CAMTA1: variants seen among roughly 807,000 people sequenced by gnomAD.
CAMTA1 encodes calmodulin-binding transcription activator 1.
Under a neutral mutation model 170.9 loss-of-function variants are expected in CAMTA1, and 27 were observed. The observed-to-expected ratio is 0.16, with a 90% confidence interval of 0.12 to 0.22. CAMTA1 has a LOEUF of 0.22. CAMTA1 is among the 10% of genes least tolerant of loss of function. The pLI is 1.00. For missense variants in CAMTA1, 1,619 were observed against 2,217.2 expected (o/e 0.73, Z 5.42); for synonymous variants, 833 against 891.5 (o/e 0.93, Z 1.17).
intron 11 of CAMTA1, among the ~76,000 whole-genome samples, chr1:7,700,070 G>A (rs2096421943): frequency 2.0e-5 from 3 of 152,082 alleles, no homozygotes; most frequent in Admixed American, 2.0e-4. Flanking sequence ...GGTTGCTTGT[G>A]CTTTTGATAT....
intron 3 of CAMTA1, among the ~76,000 whole-genome samples, chr1:7,021,486 C>T (rs576396847): frequency 2.4e-4 from 37 of 152,342 alleles, no homozygotes; most frequent in African/African-American, 7.5e-4. Context: ...ATCAAACACA[C>T]GCTCTCCTGC....
At chr1:7,615,577 A>G (rs929631691) in intron 6 of CAMTA1, among the ~76,000 whole-genome samples, 4 of 152,266 alleles carry the variant, frequency 2.6e-5, no homozygotes, top group African/African-American at 9.6e-5. Flanking sequence ...GCCAATGCTC[A>G]GCAGATGAAG....
At position 6,785,478 on chromosome 1, in the gene CAMTA1, G is replaced by A; in HGVS notation, c.-53G>A. On this transcript the variant is annotated 5_prime_UTR_variant, in exon 1 of 23. Coordinates refer to ENST00000303635, the MANE Select transcript of CAMTA1 (RefSeq NM_015215.4). ...CGGCGGCGGGGTGGCTGGGCCGGCG[G>A]CGGCGGCGGTACGAGGCGCGCGCTC... The A allele has an allele frequency of 9.9e-7, 1 of 1,013,480 alleles. No individual in the cohort carries two copies. Among genetic ancestry groups the A allele is most frequent in the East Asian group, 1.1e-4 (1 of 9,338 alleles). 62.8% of individuals were successfully genotyped at this position (1,013,480 alleles called of 1,614,324 possible).
chr1:7,133,459 TC>T (rs1333872706), intron 4 of CAMTA1, among the ~76,000 whole-genome samples: 3 of 152,050 alleles, frequency 2.0e-5, no homozygotes, highest in South Asian at 2.1e-4. Flanking sequence ...ATTTGTGTCT[TC>T]TTTTTTTTCC....
rs1442760478 is a variant in CAMTA1 at position 7,766,585 on chromosome 1, G to GCA, written c.*100_*101dup. The GCA allele has an allele frequency of 1.0e-6, 1 of 975,298 alleles. No individual in the cohort carries two copies. Among genetic ancestry groups the GCA allele is most frequent in the African/African-American group, 1.6e-5 (1 of 62,300 alleles). 60.4% of individuals were successfully genotyped at this position (975,298 alleles called of 1,614,324 possible). A position where few individuals can be genotyped will look rare whatever the true frequency, so the allele number is the denominator to read the frequency against. ...AGAGACATGCAACAACAACACACAC[G>GCA]CACACACGCACACACACACACGTAC... On this transcript the variant is annotated 3_prime_UTR_variant, in exon 23 of 23. Coordinates refer to ENST00000303635, the MANE Select transcript of CAMTA1 (RefSeq NM_015215.4).
At chr1:7,679,177 C>T (rs903099595) in intron 11 of CAMTA1, among the ~76,000 whole-genome samples, 3 of 152,194 alleles carry the variant, frequency 2.0e-5, no homozygotes, top group Non-Finnish European at 2.9e-5. Context: ...CAGGGGCTCC[C>T]GTTTAGGAAA....
intron 5 of CAMTA1, among the ~76,000 whole-genome samples, chr1:7,250,291 G>A (rs2067996): frequency 0.063 from 9,632 of 152,236 alleles, 971 homozygotes; most frequent in African/African-American, 0.21. Flanking sequence ...CTTTGCCATC[G>A]TTTGAGGGCC....
chr1:6,819,096 G>A (rs574077506), intron 1 of CAMTA1, among the ~76,000 whole-genome samples: 6 of 152,250 alleles, frequency 3.9e-5, no homozygotes, highest in African/African-American at 1.4e-4. Flanking sequence ...TGAGACTACA[G>A]GCACAAGCCA....
At chr1:6,786,127 G>A (rs930039383) in intron 1 of CAMTA1, among the ~76,000 whole-genome samples, 36 of 151,942 alleles carry the variant, frequency 2.4e-4, no homozygotes, top group African/African-American at 8.4e-4. Flanking sequence ...ACTCTCTCCG[G>A]CACCCTCTTC....
At chr1:7,424,453 G>A (rs114535294) in intron 5 of CAMTA1, among the ~76,000 whole-genome samples, 2,549 of 151,366 alleles carry the variant, frequency 0.017, 58 homozygotes, top group African/African-American at 0.059. Context: ...GGAGGATGAG[G>A]GGGGGTGGGG....
chr1:7,096,252 C>T (rs148039136), intron 4 of CAMTA1, among the ~76,000 whole-genome samples: 1 of 152,294 alleles, frequency 6.6e-6, no homozygotes, highest in East Asian at 1.9e-4. Flanking sequence ...CACTCTCCTC[C>T]TCCTGGTTTC....
At chr1:7,229,068 C>G (rs1028434344) in intron 4 of CAMTA1, among the ~76,000 whole-genome samples, 1 of 151,634 alleles carries the variant, frequency 6.6e-6, no homozygotes, top group Non-Finnish European at 1.5e-5. Flanking sequence ...GGAGGGGAGC[C>G]CAGAGGGCAG....
At chr1:7,371,194 A>C (rs1004074586) in intron 5 of CAMTA1, among the ~76,000 whole-genome samples, 5 of 151,370 alleles carry the variant, frequency 3.3e-5, no homozygotes, top group African/African-American at 1.2e-4. Context: ...TACAGGCGTG[A>C]GCCACCGTGC....
chr1:7,357,102 T>G (rs1226053724), intron 5 of CAMTA1, among the ~76,000 whole-genome samples: 6 of 152,236 alleles, frequency 3.9e-5, no homozygotes, highest in Non-Finnish European at 1.5e-5. Flanking sequence ...CAGACCCTAC[T>G]GGTGCTCTGG....
intron 1 of CAMTA1, among the ~76,000 whole-genome samples, chr1:6,819,018 T>C (rs1308964620): frequency 6.6e-6 from 1 of 151,992 alleles, no homozygotes; most frequent in Non-Finnish European, 1.5e-5. Context: ...AGTGGTGTTA[T>C]CATGGTTCAC....
At position 6,820,246 on chromosome 1, in the gene CAMTA1, A is replaced by G. The variant is rs370860012; in HGVS notation, c.111A>G (p.Ile37Met). Reference protein sequence around the residue: ...TYCVLNTVPPIEDDHGNSNSS... With the variant: ...TYCVLNTVPPMEDDHGNSNSS... ...GTGTTCTCAACACCGTGCCACCTAT[A>G]GAAGGTAGGATTTGAAAAAGCTTTT... The change falls in exon 2 of 23, where the codon ATA becomes ATG. Residue 37 changes from isoleucine to methionine, a missense_variant. Physicochemically the swap from Ile to Met is conservative, Grantham distance 10. Transcript: ENST00000303635. 32 of 1,613,992 alleles carry G rather than the reference A, an allele frequency of 2.0e-5. No homozygotes were observed. In the African/African-American group the frequency reaches 4.1e-4, roughly 21 times the overall value.
At chr1:7,348,253 C>T (rs1340220603) in intron 5 of CAMTA1, among the ~76,000 whole-genome samples, 1 of 152,214 alleles carries the variant, frequency 6.6e-6, no homozygotes, top group Non-Finnish European at 1.5e-5. Flanking sequence ...CCAGCTTCAG[C>T]GTTCTGGCCT....
chr1:7,140,794 G>T (rs548502872), intron 4 of CAMTA1, among the ~76,000 whole-genome samples: 1 of 152,092 alleles, frequency 6.6e-6, no homozygotes, highest in South Asian at 2.1e-4. Context: ...CAGATGTACC[G>T]GTATGTTAAA....
chr1:7,078,238 T>C (rs1639568404), intron 3 of CAMTA1, among the ~76,000 whole-genome samples: 1 of 152,340 alleles, frequency 6.6e-6, no homozygotes, highest in African/African-American at 2.4e-5. Flanking sequence ...CAACACTACT[T>C]CTGTTTTATA....
Sources: gnomAD v4.1 joint callset for allele counts (sites outside exome capture counted in the v4.1 genomes callset) on GRCh38, gnomAD v4.1.1 for gene constraint, MANE v1.5 for transcripts, NCBI Gene and HGNC (gene_info 2026-07-23, HGNC 2026-07-21) for gene names.